The following GABBR2 variants were observed in gnomAD, a reference collection of about 807,000 sequenced individuals.
The protein encoded by GABBR2 is G-protein coupled receptor 51.
GABBR2 carries 23 observed loss-of-function variants against 105.6 expected under a neutral mutation model. That is an observed-to-expected ratio of 0.22 (90% CI 0.16 to 0.31). The LOEUF is 0.31. Among genes scored for constraint, GABBR2 ranks in the 10% least tolerant of loss-of-function variants. GABBR2 has a pLI of 1.00. For synonymous variants in GABBR2, 478 were observed against 499.7 expected, an observed-to-expected ratio of 0.96 and a Z score of 0.58; for missense variants, 734 against 1,245.5, an observed-to-expected ratio of 0.59 and a Z score of 6.18.
At chr9:98,546,292 TTGATCTATCAAAGGC>T (rs1419097185) in intron 2 of GABBR2, among the ~76,000 whole-genome samples, 1 of 152,250 alleles carries the variant, frequency 6.6e-6, no homozygotes, top group African/African-American at 2.4e-5. Context: ...TTTTGTTTAC[TTGATCTATCAAAGGC>T]TGAGAAGTTT....
At chr9:98,523,438 C>T (rs910710282) in intron 3 of GABBR2, among the ~76,000 whole-genome samples, 2 of 152,092 alleles carry the variant, frequency 1.3e-5, no homozygotes, top group Non-Finnish European at 2.9e-5. Flanking sequence ...GCAAGTAGAC[C>T]TCCCCCACGG....
chr9:98,665,779 C>T (rs1180175755), intron 1 of GABBR2, among the ~76,000 whole-genome samples: 9 of 152,184 alleles, frequency 5.9e-5, no homozygotes, highest in Non-Finnish European at 1.0e-4. Flanking sequence ...CATTGCTGAA[C>T]GTCCAACCTG....
intron 1 of GABBR2, among the ~76,000 whole-genome samples, chr9:98,585,051 G>C (rs576534248): frequency 6.6e-6 from 1 of 152,222 alleles, no homozygotes. Flanking sequence ...TCCCCATACA[G>C]GATAGTTTTA....
chr9:98,431,869 ATTTATTTTATTATCACTATT>A (rs563020862), intron 7 of GABBR2, among the ~76,000 whole-genome samples: 12 of 150,610 alleles, frequency 8.0e-5, no homozygotes, highest in Middle Eastern at 3.4e-3. Flanking sequence ...CTAATTTTGT[ATTTATTTTATTATCACTATT>A]TTTATTTTAT....
chr9:98,311,043 G>T, intron 14 of GABBR2, 52 bp downstream of exon 14: 1 of 966,240 alleles, frequency 1.0e-6, no homozygotes, highest in African/African-American at 1.6e-5. Flanking sequence ...GGGAGACAGA[G>T]GCCCAACAAA....
intron 7 of GABBR2, among the ~76,000 whole-genome samples, chr9:98,410,029 G>A (rs1031200059): frequency 6.6e-6 from 1 of 152,060 alleles, no homozygotes; most frequent in Non-Finnish European, 1.5e-5. Flanking sequence ...GGGCAATGCT[G>A]CCACTAGATG....
chr9:98,496,994 T>C (rs1244674914), intron 3 of GABBR2, among the ~76,000 whole-genome samples: 2 of 152,276 alleles, frequency 1.3e-5, no homozygotes, highest in Non-Finnish European at 2.9e-5. Flanking sequence ...CACGTAACTA[T>C]GTGTCTACTG....
chr9:98,524,291 T>C (rs1275332834), intron 3 of GABBR2, among the ~76,000 whole-genome samples: 2 of 152,244 alleles, frequency 1.3e-5, no homozygotes, highest in Non-Finnish European at 2.9e-5. Flanking sequence ...GCTTTCCAAC[T>C]CTTGTCGTAA....
chr9:98,640,878 G>A (rs1829951325), intron 1 of GABBR2, among the ~76,000 whole-genome samples: 1 of 152,154 alleles, frequency 6.6e-6, no homozygotes, highest in African/African-American at 2.4e-5. Flanking sequence ...ATGGAATGTG[G>A]AGTAAGATAT....
chr9:98,432,455 G>A (rs1825829411), intron 7 of GABBR2, among the ~76,000 whole-genome samples: 1 of 152,200 alleles, frequency 6.6e-6, no homozygotes, highest in Non-Finnish European at 1.5e-5. Flanking sequence ...TCCCACTGAG[G>A]TGGGTGGGAA....
chr9:98,565,198 G>T (rs1564116058), intron 2 of GABBR2, among the ~76,000 whole-genome samples: 1 of 152,192 alleles, frequency 6.6e-6, no homozygotes, highest in Non-Finnish European at 1.5e-5. Context: ...TCCTACACCT[G>T]GAAAGCTCTG....
In GABBR2 at chr9:98,314,143, G is replaced by A. The variant is rs148466361; in HGVS notation, c.1894-2938C>T. 1.4e-3 allele frequency among the ~76,000 whole-genome samples: 216 copies of A among 152,320 alleles called. 1 individual carries two copies. Among genetic ancestry groups the A allele is most frequent in the African/African-American group, 4.8e-3 (198 of 41,566 alleles). On this transcript the variant is annotated intron_variant, in intron 13 of 18. Coordinates refer to ENST00000259455, the MANE Select transcript of GABBR2 (RefSeq NM_005458.8). ...AAGGCTCTGCAGTAAGAAACACCCC[G>A]GAGGGAGGTGATCTCCAGAAACTAA...
chr9:98,697,034 G>A (rs1830761797), intron 1 of GABBR2, among the ~76,000 whole-genome samples: 1 of 152,232 alleles, frequency 6.6e-6, no homozygotes, highest in Non-Finnish European at 1.5e-5. Flanking sequence ...TTGCTTTTAT[G>A]GGAGGAAAAT....
At chr9:98,517,200 T>C (rs956065685) in intron 3 of GABBR2, among the ~76,000 whole-genome samples, 3 of 152,200 alleles carry the variant, frequency 2.0e-5, no homozygotes, top group Non-Finnish European at 2.9e-5. Flanking sequence ...TGGTCTCTAT[T>C]TGGGACTTCT....
chr9:98,479,358 T>G (rs1254620618), intron 5 of GABBR2, among the ~76,000 whole-genome samples: 1 of 152,184 alleles, frequency 6.6e-6, no homozygotes, highest in African/African-American at 2.4e-5. Context: ...AGACAGGTGT[T>G]ACAATCCCCA....
intron 1 of GABBR2, among the ~76,000 whole-genome samples, chr9:98,691,660 C>T (rs898206818): frequency 6.6e-6 from 1 of 152,196 alleles, no homozygotes; most frequent in African/African-American, 2.4e-5. Context: ...TCCACAGTGT[C>T]TCTTGCGGTC....
At position 98,682,486 on chromosome 9, in the gene GABBR2, G is replaced by A. The variant is rs142453337; in HGVS notation, c.321+25931C>T. On this transcript the variant is annotated intron_variant, in intron 1 of 18. Coordinates refer to ENST00000259455, the MANE Select transcript of GABBR2 (RefSeq NM_005458.8). Reference sequence around the variant, plus strand: ...TGCCTCCTGGATTCAAGCAATTCTCGTGCCTCAGCCTCCCAAGTAGCTGGG... The same window carrying A: ...TGCCTCCTGGATTCAAGCAATTCTCATGCCTCAGCCTCCCAAGTAGCTGGG... 6.0e-3 allele frequency among the ~76,000 whole-genome samples: 866 copies of A among 145,360 alleles called. 11 individuals are homozygous for A. The highest frequency in any genetic ancestry group is 0.041 in the East Asian group (197 of 4,806).
chr9:98,535,537 T>C (rs751827811), intron 3 of GABBR2, among the ~76,000 whole-genome samples: 1 of 152,068 alleles, frequency 6.6e-6, no homozygotes, highest in African/African-American at 2.4e-5. Flanking sequence ...AAAGGTAATC[T>C]AGAGATAATT....
intron 2 of GABBR2, among the ~76,000 whole-genome samples, chr9:98,567,809 G>T (rs1036549448): frequency 2.0e-5 from 3 of 152,142 alleles, no homozygotes; most frequent in Admixed American, 1.3e-4. Context: ...AAAATGACCC[G>T]GAGCTTCGGA....
Sources: gnomAD v4.1 joint callset for allele counts (sites outside exome capture counted in the v4.1 genomes callset) on GRCh38, gnomAD v4.1.1 for gene constraint, MANE v1.5 for transcripts, NCBI Gene and HGNC (gene_info 2026-07-23, HGNC 2026-07-21) for gene names.